Variants in ALPL observed in about 807,000 individuals in gnomAD.
The protein encoded by ALPL is alkaline phosphatase, biomineralization associated.
A neutral mutation model predicts 51.3 loss-of-function variants in ALPL; 42 were observed. The observed-to-expected ratio is 0.82, with a 90% confidence interval of 0.64 to 1.06. The LOEUF is 1.06. ALPL is among the 50% of genes least tolerant of loss of function. The pLI, the probability that ALPL is intolerant of heterozygous loss-of-function variation, is 0.00. For synonymous variants in ALPL, 279 were observed against 296.4 expected (o/e 0.94, Z 0.60); for missense variants, 589 against 709.4 (o/e 0.83, Z 1.93).
chr1:21,553,030 C>T (rs1644353408), intron 1 of ALPL, among the ~76,000 whole-genome samples: 1 of 151,000 alleles, frequency 6.6e-6, no homozygotes, highest in African/African-American at 2.4e-5. Context: ...ATTCTTATGC[C>T]ATTAATACAT....
Position 21,577,824 on chromosome 1 carries a change from G to A in ALPL, c.*176G>A, listed in dbSNP as rs1644763936. The A allele has an allele frequency of 2.3e-6, 2 of 857,224 alleles. No homozygotes were observed. Among genetic ancestry groups the A allele is most frequent in the Non-Finnish European group, 3.5e-6 (2 of 570,048 alleles). 53.1% of individuals were successfully genotyped at this position (857,224 alleles called of 1,614,324 possible). On this transcript the variant is annotated 3_prime_UTR_variant, in exon 12 of 12. Coordinates refer to ENST00000374840, the MANE Select transcript of ALPL (RefSeq NM_000478.6). ...CGCTCCCCTCTGGAATCTTCCCCAAGGGCCAAACCCACTTCTGGCCTCCAG... is the reference window on the plus strand; with the variant it reads ...CGCTCCCCTCTGGAATCTTCCCCAAAGGCCAAACCCACTTCTGGCCTCCAG...
At chr1:21,562,846 C>T (rs529294523) in intron 4 of ALPL, among the ~76,000 whole-genome samples, 62 of 152,268 alleles carry the variant, frequency 4.1e-4, no homozygotes, top group African/African-American at 1.3e-3. Context: ...ACCTGAGCCC[C>T]AATCTTCCGC....
At chr1:21,536,844 C>T (rs1368349505) in intron 1 of ALPL, among the ~76,000 whole-genome samples, 4 of 151,352 alleles carry the variant, frequency 2.6e-5, no homozygotes, top group Non-Finnish European at 5.9e-5. Flanking sequence ...CAGTGGAGAG[C>T]CGTAGAAACT....
At chr1:21,554,808 TCTGTCTG>T (rs1558543835) in intron 2 of ALPL, among the ~76,000 whole-genome samples, 1,481 of 17,026 alleles carry the variant, frequency 0.087, 12 homozygotes, top group Admixed American at 0.13. Flanking sequence ...TGTCTGTCTG[TCTGTCTG>T]TCTTTCTTTC....
chr1:21,568,124 G>T lies in ALPL; in HGVS notation c.669G>T (p.Arg223=). The T allele has an allele frequency of 6.2e-7, 1 of 1,614,112 alleles. No individual in the cohort carries two copies. The highest frequency in any genetic ancestry group is 8.5e-7 in the Non-Finnish European group (1 of 1,180,042). Residue 223 remains arginine, a synonymous_variant, in exon 7 of 12, where the codon CGG becomes CGT. Coordinates refer to ENST00000374840, the MANE Select transcript of ALPL (RefSeq NM_000478.6). ...RDIDVIMGGG[R]KYMYPKNKTD... ...TTTAGGTGATCATGGGGGGTGGCCGGAAATACATGTACCCCAAGAATAAAA... is the reference window on the plus strand; with the variant it reads ...TTTAGGTGATCATGGGGGGTGGCCGTAAATACATGTACCCCAAGAATAAAA...
Position 21,564,021 on chromosome 1 carries a change from C to T in ALPL, c.473-20C>T. 2 of 1,612,854 alleles carry T rather than the reference C, an allele frequency of 1.2e-6. No homozygotes were observed. Among genetic ancestry groups the T allele is most frequent in the Non-Finnish European group, 8.5e-7 (1 of 1,179,936 alleles). On this transcript the variant is annotated intron_variant, in intron 5 of 11. Coordinates refer to ENST00000374840, the MANE Select transcript of ALPL (RefSeq NM_000478.6). This position sits in a 1 kb window ranked among gnomAD's most constrained non-coding sequence, Gnocchi z 5.8. Reference sequence around the variant, plus strand: ...CCCCGATCTGTGGATAAAGCCAAACCCGCCCCTCCTGCACCCCAGGGAAAT... The same window carrying T: ...CCCCGATCTGTGGATAAAGCCAAACTCGCCCCTCCTGCACCCCAGGGAAAT...
At chr1:21,555,045 C>G (rs1245738151) in intron 2 of ALPL, among the ~76,000 whole-genome samples, 1 of 151,420 alleles carries the variant, frequency 6.6e-6, no homozygotes, top group African/African-American at 2.4e-5. Flanking sequence ...TGCAGGCGGG[C>G]TAAGTCCAAA....
chr1:21,574,296 A>G, intron 9 of ALPL: 12 of 741,506 alleles, frequency 1.6e-5, no homozygotes, highest in Non-Finnish European at 2.0e-5. Flanking sequence ...CAAAAATAGC[A>G]TCTGTCTCCT....
At chr1:21,572,907 A>G (rs201529102) in intron 8 of ALPL, among the ~76,000 whole-genome samples, 1 of 148,600 alleles carries the variant, frequency 6.7e-6, no homozygotes, top group East Asian at 2.3e-4. Context: ...ATGTAAATGC[A>G]CACACACTCT....
At chr1:21,523,999 C>CTTTTT (rs10571494) in intron 1 of ALPL, among the ~76,000 whole-genome samples, 4 of 94,550 alleles carry the variant, frequency 4.2e-5, no homozygotes, top group Admixed American at 1.4e-4. Context: ...CAAATCTCTG[C>CTTTTT]TTTTTTTTTT....
chr1:21,577,708 C>A lies in ALPL; in HGVS notation c.*60C>A, dbSNP rs367637559. On this transcript the variant is annotated 3_prime_UTR_variant, in exon 12 of 12. Transcript: ENST00000374840. ...AGATGCCAACTTCCCACACGGCAGCCCCCCCCTCAAGGGGCAGGGAGGTGG... is the reference window on the plus strand; with the variant it reads ...AGATGCCAACTTCCCACACGGCAGCACCCCCCTCAAGGGGCAGGGAGGTGG... 1.1e-5 allele frequency: 17 copies of A among 1,554,344 alleles called. No homozygotes were observed. The highest frequency in any genetic ancestry group is 3.5e-5 in the South Asian group (3 of 86,214).
intron 1 of ALPL, among the ~76,000 whole-genome samples, chr1:21,523,903 A>G (rs564556894): frequency 2.0e-5 from 3 of 149,992 alleles, no homozygotes; most frequent in Non-Finnish European, 4.5e-5. Context: ...ATCCAGGCCT[A>G]GCTCTTTTAT....
At chr1:21,553,531 C>T (rs1295675885) in intron 1 of ALPL, among the ~76,000 whole-genome samples, 1 of 152,124 alleles carries the variant, frequency 6.6e-6, no homozygotes, top group East Asian at 1.9e-4. Flanking sequence ...AGGTGTGGTC[C>T]GCAAAGCAGC....
intron 1 of ALPL, among the ~76,000 whole-genome samples, chr1:21,538,439 C>A (rs768108358): frequency 3.3e-5 from 5 of 152,236 alleles, no homozygotes; most frequent in Non-Finnish European, 5.9e-5. Context: ...TGAGCACTGT[C>A]TCTGGGAACA....
chr1:21,564,120 G>T lies in ALPL; in HGVS notation c.552G>T (p.Arg184=). 2.5e-6 allele frequency: 4 copies of T among 1,614,094 alleles called. No individual in the cohort carries two copies. Among genetic ancestry groups the T allele is most frequent in the Non-Finnish European group, 3.4e-6 (4 of 1,180,020 alleles). The change falls in exon 6 of 12, where the codon CGG becomes CGT. Residue 184 remains arginine (R), a synonymous_variant. Coordinates refer to ENST00000374840, the MANE Select transcript of ALPL (RefSeq NM_000478.6). This position sits in a 1 kb window ranked among gnomAD's most constrained non-coding sequence, Gnocchi z 5.8. Reference sequence around the variant, plus strand: ...CCGCCTACGCCCACTCGGCTGACCGGGACTGGTACTCAGACAACGAGATGC... The same window carrying T: ...CCGCCTACGCCCACTCGGCTGACCGTGACTGGTACTCAGACAACGAGATGC... ...PSAAYAHSAD[R]DWYSDNEMPP...
chr1:21,523,782 C>T (rs1344722142), intron 1 of ALPL, among the ~76,000 whole-genome samples: 1 of 152,164 alleles, frequency 6.6e-6, no homozygotes, highest in Non-Finnish European at 1.5e-5. Context: ...GAGGTAGCAA[C>T]TTACCACCCA....
chr1:21,554,815 G>GTCTTTCTTTCTT (rs60858822), intron 2 of ALPL, among the ~76,000 whole-genome samples: 28 of 83,720 alleles, frequency 3.3e-4, no homozygotes, highest in African/African-American at 6.5e-4. Flanking sequence ...CTGTCTGTCT[G>GTCTTTCTTTCTT]TCTTTCTTTC....
At chr1:21,524,065 G>A (rs975144649) in intron 1 of ALPL, among the ~76,000 whole-genome samples, 8 of 143,968 alleles carry the variant, frequency 5.6e-5, no homozygotes, top group Non-Finnish European at 8.9e-5. Flanking sequence ...GTGCAGTGGC[G>A]TGATCTCGGC....
intron 1 of ALPL, among the ~76,000 whole-genome samples, chr1:21,531,866 C>G (rs1644034756): frequency 6.6e-6 from 1 of 152,164 alleles, no homozygotes; most frequent in South Asian, 2.1e-4. Context: ...AGACCATGCC[C>G]TGCCTTTTCT....
Sources: allele counts gnomAD v4.1 joint callset (sites outside exome capture counted in the v4.1 genomes callset), GRCh38; gene constraint gnomAD v4.1.1; non-coding constraint Gnocchi (gnomAD v3.1); transcripts MANE v1.5; gene names NCBI Gene and HGNC (gene_info 2026-07-23, HGNC 2026-07-21).